Variants in GAP43 observed in about 807,000 individuals in gnomAD.
GAP43 encodes growth associated protein 43, also known as neuromodulin.
In GAP43, 6 loss-of-function variants were observed where a neutral mutation model predicts 18.6. The observed-to-expected ratio is 0.32, with a 90% CI of 0.18 to 0.64. GAP43 has a LOEUF of 0.64. Among genes scored for constraint, GAP43 ranks in the 30% least tolerant of loss-of-function variants. GAP43 has a pLI of 0.78. For missense variants in GAP43, 292 were observed against 295.5 expected, an observed-to-expected ratio of 0.99 and a Z score of 0.09; for synonymous variants, 115 against 111.4, an observed-to-expected ratio of 1.03 and a Z score of -0.20.
chr3:115,654,429 T>C (rs771897770), intron 1 of GAP43, among the ~76,000 whole-genome samples: 1 of 152,210 alleles, frequency 6.6e-6, no homozygotes, highest in African/African-American at 2.4e-5. Flanking sequence ...GAGGAAAAGA[T>C]GAGCAGACCC....
chr3:115,712,137 A>T (rs779147670), intron 2 of GAP43, among the ~76,000 whole-genome samples: 14 of 152,124 alleles, frequency 9.2e-5, no homozygotes, highest in South Asian at 2.1e-4. Context: ...TTAATTTTTT[A>T]AAAAAATATC....
At chr3:115,716,331 A>ATAAG (rs1709501748) in intron 2 of GAP43, among the ~76,000 whole-genome samples, 1 of 152,180 alleles carries the variant, frequency 6.6e-6, no homozygotes, top group South Asian at 2.1e-4. Flanking sequence ...TCTGTTTATA[A>ATAAG]TAAGTTCTGC....
At chr3:115,635,215 C>T (rs1358541256) in intron 1 of GAP43, among the ~76,000 whole-genome samples, 1 of 152,086 alleles carries the variant, frequency 6.6e-6, no homozygotes, top group Non-Finnish European at 1.5e-5. Flanking sequence ...GGGAAAGTTA[C>T]TCTGGAGAAC....
In GAP43 at chr3:115,664,228, T is replaced by C. The variant is rs1708702876; in HGVS notation, c.31-11785T>C. On this transcript the variant is annotated intron_variant, in intron 1 of 2. Coordinates refer to ENST00000305124, the MANE Select transcript of GAP43 (RefSeq NM_002045.4). ...ATGTTCTCCAAGCATATGAGGGTAT[T>C]TTATGTCATTACTTTTAAAGGTCGC... Among the ~76,000 whole-genome samples the C allele has an allele frequency of 5.9e-5, 7 of 118,910 alleles. 1 individual carries two copies. In the South Asian group the frequency reaches 1.9e-3, roughly 32 times the overall value. 78.0% of individuals were successfully genotyped at this position (118,910 alleles called of 152,430 possible). A position where few individuals can be genotyped will look rare whatever the true frequency, so the allele number is the denominator to read the frequency against.
At chr3:115,669,809 A>C (rs949916179) in intron 1 of GAP43, among the ~76,000 whole-genome samples, 2 of 151,898 alleles carry the variant, frequency 1.3e-5, no homozygotes, top group Non-Finnish European at 2.9e-5. Context: ...TTACTACTGC[A>C]GTTTCCAATA....
intron 2 of GAP43, among the ~76,000 whole-genome samples, chr3:115,704,614 A>G (rs1252194323): frequency 6.6e-6 from 1 of 152,082 alleles, no homozygotes; most frequent in African/African-American, 2.4e-5. Flanking sequence ...ATTACCTTGC[A>G]TTTCTCAAAC....
chr3:115,714,371 C>A (rs2107378033), intron 2 of GAP43, among the ~76,000 whole-genome samples: 1 of 152,228 alleles, frequency 6.6e-6, no homozygotes, highest in South Asian at 2.1e-4. Context: ...CTTGGAAGAG[C>A]AATGTTTTTG....
intron 2 of GAP43, among the ~76,000 whole-genome samples, chr3:115,677,143 C>T (rs1708903042): frequency 6.6e-6 from 1 of 152,168 alleles, no homozygotes; most frequent in South Asian, 2.1e-4. Flanking sequence ...TCTGGGCATT[C>T]TCTCCACCAT....
intron 2 of GAP43, among the ~76,000 whole-genome samples, chr3:115,708,345 A>G (rs1330580077): frequency 3.3e-5 from 5 of 152,342 alleles, no homozygotes; most frequent in Admixed American, 3.3e-4. Context: ...AATCCAAATG[A>G]GTCAAACTTG....
intron 2 of GAP43, among the ~76,000 whole-genome samples, chr3:115,683,147 G>GCGCACGCA (rs1252333447): frequency 5.5e-5 from 7 of 127,446 alleles, no homozygotes; most frequent in Admixed American, 4.0e-4. Flanking sequence ...GCGCGCGCGC[G>GCGCACGCA]CACACACACA....
chr3:115,642,967 G>C (rs1708415053), intron 1 of GAP43, among the ~76,000 whole-genome samples: 1 of 152,046 alleles, frequency 6.6e-6, no homozygotes, highest in Middle Eastern at 3.2e-3. Flanking sequence ...TGAGAAATGA[G>C]TTATGAATGC....
Position 115,676,375 on chromosome 3 carries a change from AGAG to A in GAP43, c.397_399del (p.Glu133del), listed in dbSNP as rs773585596. On this transcript the variant is annotated inframe_deletion, in exon 2 of 3. Transcript: ENST00000305124. Reference sequence around the variant, plus strand: ...CAGCCCCCCAGGCTCCTGCATCCTCAGAGGAGAAGGCCGGCTCAGCTGAGACAG... The same window carrying A: ...CAGCCCCCCAGGCTCCTGCATCCTCAGAGAAGGCCGGCTCAGCTGAGACAG... 2.5e-6 allele frequency: 4 copies of A among 1,614,050 alleles called. No individual in the cohort carries two copies. Among genetic ancestry groups the A allele is most frequent in the Non-Finnish European group, 3.4e-6 (4 of 1,179,942 alleles).
At chr3:115,679,405 G>C (rs994141681) in intron 2 of GAP43, among the ~76,000 whole-genome samples, 3 of 152,076 alleles carry the variant, frequency 2.0e-5, no homozygotes, top group African/African-American at 7.2e-5. Context: ...GAAGTTGGTT[G>C]GTTATTGTCA....
chr3:115,663,661 T>G, intron 1 of GAP43: 1 of 1,433,346 alleles, frequency 7.0e-7, no homozygotes, highest in Non-Finnish European at 9.1e-7. Context: ...CTTAAAAAAT[T>G]TTATTTCTAC....
intron 2 of GAP43, among the ~76,000 whole-genome samples, chr3:115,687,454 T>C (rs1331282342): frequency 6.6e-6 from 1 of 152,210 alleles, no homozygotes; most frequent in African/African-American, 2.4e-5. Flanking sequence ...CACTGTTCCA[T>C]TTAATTTTAG....
chr3:115,689,613 A>G (rs1344062099), intron 2 of GAP43, among the ~76,000 whole-genome samples: 1 of 152,168 alleles, frequency 6.6e-6, no homozygotes, highest in African/African-American at 2.4e-5. Context: ...AGGCACCCAG[A>G]CACTCTGAGT....
At chr3:115,704,340 A>G (rs1399829068) in intron 2 of GAP43, among the ~76,000 whole-genome samples, 3 of 152,002 alleles carry the variant, frequency 2.0e-5, no homozygotes, top group Non-Finnish European at 4.4e-5. Context: ...AATTTTAGCT[A>G]TCTCTGGATT....
At chr3:115,677,069 G>A (rs1268406534) in intron 2 of GAP43, among the ~76,000 whole-genome samples, 2 of 152,292 alleles carry the variant, frequency 1.3e-5, no homozygotes, top group East Asian at 3.9e-4. Context: ...AGATTATATA[G>A]TGTGTGAATT....
intron 2 of GAP43, among the ~76,000 whole-genome samples, chr3:115,707,936 A>G (rs1029190305): frequency 6.6e-6 from 1 of 152,026 alleles, no homozygotes; most frequent in Non-Finnish European, 1.5e-5. Context: ...GGTGACTTTA[A>G]TTACTTTGGT....
Sources: allele counts gnomAD v4.1 joint callset (sites outside exome capture counted in the v4.1 genomes callset), GRCh38; gene constraint gnomAD v4.1.1; transcripts MANE v1.5; gene names NCBI Gene and HGNC (gene_info 2026-07-23, HGNC 2026-07-21).